The following KCNMB2 variants were observed in gnomAD, a reference collection of about 807,000 sequenced individuals.
KCNMB2 encodes the protein potassium calcium-activated channel subfamily M regulatory beta subunit 2.
KCNMB2 carries 9 observed loss-of-function variants against 24.5 expected under a neutral mutation model. The ratio of observed to expected loss-of-function variants is 0.37; its 90% confidence interval spans 0.22 to 0.64. The LOEUF (loss-of-function observed/expected upper bound fraction) is 0.64, where lower values mean the gene tolerates loss of function less well. Among genes scored for constraint, KCNMB2 ranks in the 30% least tolerant of loss-of-function variants. The probability of loss-of-function intolerance (pLI) is 0.63; values close to 1 mark genes in which losing one functional copy is unlikely to be tolerated. For synonymous variants in KCNMB2, 109 were observed against 104.4 expected, an observed-to-expected ratio of 1.04 and a Z score of -0.27; for missense variants, 226 against 284.3, an observed-to-expected ratio of 0.79 and a Z score of 1.47.
At chr3:178,688,404 G>C (rs1178006532) in intron 1 of KCNMB2, among the ~76,000 whole-genome samples, 1 of 151,970 alleles carries the variant, frequency 6.6e-6, no homozygotes, top group Non-Finnish European at 1.5e-5. Flanking sequence ...ATTAAATGGG[G>C]ACACAATAAA....
chr3:178,568,861 TAGATA>T (rs1716657400), intron 1 of KCNMB2, among the ~76,000 whole-genome samples: 1 of 118,288 alleles, frequency 8.5e-6, no homozygotes, highest in African/African-American at 3.5e-5. Flanking sequence ...AGATGATAGA[TAGATA>T]GATAGATAGA....
intron 1 of KCNMB2, among the ~76,000 whole-genome samples, chr3:178,716,633 G>A (rs1002146879): frequency 2.0e-5 from 3 of 152,018 alleles, no homozygotes; most frequent in South Asian, 4.1e-4. Flanking sequence ...GAGTAGAGAT[G>A]GGTTTTGCCA....
chr3:178,631,244 C>T (rs542084991), intron 1 of KCNMB2, among the ~76,000 whole-genome samples: 6 of 152,284 alleles, frequency 3.9e-5, no homozygotes, highest in South Asian at 2.1e-4. Flanking sequence ...CCTTCTTCTC[C>T]GTGACTGATA....
intron 2 of KCNMB2, among the ~76,000 whole-genome samples, chr3:178,817,218 T>TATATATATATATATAC (rs147866886): frequency 0.013 from 1,797 of 134,952 alleles, 167 homozygotes; most frequent in Middle Eastern, 0.079. Context: ...GTTAATGACA[T>TATATATATATATATAC]ATATATATAA....
At chr3:178,652,815 A>T (rs1367635770) in intron 1 of KCNMB2, among the ~76,000 whole-genome samples, 2 of 150,290 alleles carry the variant, frequency 1.3e-5, no homozygotes, top group African/African-American at 2.4e-5. Flanking sequence ...AGCATGTGCC[A>T]CCACGCCTGG....
At position 178,807,596 on chromosome 3, in the gene KCNMB2, G is replaced by C. The variant is rs563022842; in HGVS notation, c.56+131G>C. 3 of 694,242 alleles carry C rather than the reference G, an allele frequency of 4.3e-6. No individual in the cohort carries two copies. In the Admixed American group the frequency reaches 7.6e-5, roughly 18 times the overall value. 43.0% of individuals were successfully genotyped at this position (694,242 alleles called of 1,614,324 possible). On this transcript the variant is annotated intron_variant, in intron 2 of 4. Coordinates refer to ENST00000452583, the MANE Select transcript of KCNMB2 (RefSeq NM_181361.3). The stretch of plus-strand genomic sequence containing the variant: ...TGTGGGGACAGACTCTACAGTACAG[G>C]AGTAGGGTTTCAGACACTTTGGCCT...
chr3:178,760,950 T>G (rs1711842641), intron 1 of KCNMB2, among the ~76,000 whole-genome samples: 1 of 152,164 alleles, frequency 6.6e-6, no homozygotes, highest in Non-Finnish European at 1.5e-5. Flanking sequence ...GATTTACTAA[T>G]AACAATATGC....
intron 1 of KCNMB2, among the ~76,000 whole-genome samples, chr3:178,797,712 T>C (rs1713605877): frequency 6.6e-6 from 1 of 152,250 alleles, no homozygotes; most frequent in East Asian, 1.9e-4. Flanking sequence ...ATTGAATCTA[T>C]AAATTACTTT....
At chr3:178,739,122 T>A (rs747070079) in intron 1 of KCNMB2, among the ~76,000 whole-genome samples, 1 of 149,912 alleles carries the variant, frequency 6.7e-6, no homozygotes, top group Non-Finnish European at 1.5e-5. Context: ...AAAACATGTA[T>A]ATCAGCAGGA....
At chr3:178,722,756 G>T (rs1461416872) in intron 1 of KCNMB2, among the ~76,000 whole-genome samples, 1 of 152,140 alleles carries the variant, frequency 6.6e-6, no homozygotes, top group Non-Finnish European at 1.5e-5. Flanking sequence ...ATCTGGGTGT[G>T]GTGATGCATG....
chr3:178,835,356 G>A (rs543312109), intron 4 of KCNMB2, among the ~76,000 whole-genome samples: 3 of 152,256 alleles, frequency 2.0e-5, no homozygotes, highest in Admixed American at 6.5e-5. Context: ...GGTAAATGTT[G>A]TAGGATCCAC....
rs114919909 is a variant in KCNMB2 at position 178,836,512 on chromosome 3, C to G, written c.424-6141C>G. 3.9e-3 allele frequency among the ~76,000 whole-genome samples: 586 copies of G among 152,084 alleles called. 5 individuals carry two copies. Among genetic ancestry groups the G allele is most frequent in the African/African-American group, 0.013 (548 of 41,488 alleles). On this transcript the variant is annotated intron_variant, in intron 4 of 4. Transcript: ENST00000452583. ...GTACTAAAGAGAAGTTTCTGTCTGT[C>G]AAGAATCTAAGGATTGGGAAAAGCA...
At chr3:178,610,115 A>T (rs890550316) in intron 1 of KCNMB2, among the ~76,000 whole-genome samples, 1 of 152,202 alleles carries the variant, frequency 6.6e-6, no homozygotes, top group African/African-American at 2.4e-5. Flanking sequence ...TGGGTTCTCT[A>T]TGTTGTTCCA....
intron 1 of KCNMB2, among the ~76,000 whole-genome samples, chr3:178,670,501 T>C (rs916803203): frequency 6.6e-6 from 1 of 152,168 alleles, no homozygotes; most frequent in African/African-American, 2.4e-5. Flanking sequence ...CTTTATTGTA[T>C]TGATGTTAAG....
chr3:178,758,786 T>G (rs1455246756), intron 1 of KCNMB2, among the ~76,000 whole-genome samples: 5 of 19,212 alleles, frequency 2.6e-4, no homozygotes, highest in African/African-American at 8.4e-4. Context: ...TATATATATA[T>G]ATATATATAT....
intron 1 of KCNMB2, among the ~76,000 whole-genome samples, chr3:178,632,978 A>G (rs1306310444): frequency 1.3e-5 from 2 of 152,190 alleles, no homozygotes; most frequent in South Asian, 2.1e-4. Flanking sequence ...CCAAAATCCA[A>G]TAGGGCAATC....
intron 1 of KCNMB2, chr3:178,559,062 CAAAG>C (rs1213771475): frequency 1.3e-5 from 2 of 152,080 alleles, no homozygotes; most frequent in Non-Finnish European, 2.9e-5. Flanking sequence ...TGGTGATACA[CAAAG>C]AGAGGAGAGG....
intron 2 of KCNMB2, among the ~76,000 whole-genome samples, chr3:178,817,227 A>ATATATATATATATATATATATATATATAT (rs1408060884): frequency 8.8e-5 from 13 of 148,358 alleles, no homozygotes; most frequent in African/African-American, 2.3e-4. Flanking sequence ...ATATATATAT[A>ATATATATATATATATATATATATATATAT]AATGAAGTGT....
At chr3:178,607,631 G>A (rs945495175) in intron 1 of KCNMB2, among the ~76,000 whole-genome samples, 1 of 133,056 alleles carries the variant, frequency 7.5e-6, no homozygotes, top group Non-Finnish European at 1.5e-5. Flanking sequence ...GTGCATGCGT[G>A]TGTGTGTGTG....
Sources: allele counts gnomAD v4.1 joint callset (sites outside exome capture counted in the v4.1 genomes callset), GRCh38; gene constraint gnomAD v4.1.1; transcripts MANE v1.5; gene names NCBI Gene and HGNC (gene_info 2026-07-23, HGNC 2026-07-21).